Variants in ITIH3 observed in about 807,000 individuals in gnomAD.
ITIH3 encodes the protein inter-alpha-trypsin inhibitor heavy chain 3.
ITIH3 carries 81 observed loss-of-function variants against 96.5 expected under a neutral mutation model. The observed-to-expected ratio is 0.84, with a 90% CI of 0.70 to 1.01. The LOEUF (loss-of-function observed/expected upper bound fraction) is 1.01. Among genes scored for constraint, ITIH3 ranks in the 50% least tolerant of loss-of-function variants. The probability of loss-of-function intolerance (pLI) is 0.00; values close to 1 mark genes in which losing one functional copy is unlikely to be tolerated. For missense variants in ITIH3, 1,057 were observed against 1,139.3 expected, an observed-to-expected ratio of 0.93 and a Z score of 1.04; for synonymous variants, 422 against 445.2, an observed-to-expected ratio of 0.95 and a Z score of 0.66.
chr3:52,802,325 G>A lies in ITIH3; in HGVS notation c.1384-9G>A, dbSNP rs747798082. 15 of 1,613,174 alleles carry A rather than the reference G, an allele frequency of 9.3e-6. No homozygotes were observed. Among genetic ancestry groups the A allele is most frequent in the South Asian group, 5.5e-5 (5 of 91,024 alleles). ...GGGCTTGAGATGACTGGCCCCGTGCGAACTTCAGGGCTTCTATGAGGAGGT... is the reference window on the plus strand; with the variant it reads ...GGGCTTGAGATGACTGGCCCCGTGCAAACTTCAGGGCTTCTATGAGGAGGT... On this transcript the variant is annotated splice_polypyrimidine_tract_variant and intron_variant, in intron 11 of 21. Coordinates refer to ENST00000449956, the MANE Select transcript of ITIH3 (RefSeq NM_002217.4).
intron 9 of ITIH3, 137 bp from the exon 10 acceptor site, chr3:52,800,401 A>T (rs1699777994): frequency 1.1e-6 from 1 of 937,280 alleles, no homozygotes; most frequent in Admixed American, 2.8e-5. Flanking sequence ...TTGTTTGCTG[A>T]GTACCACCAT....
At chr3:52,801,262 A>C in intron 11 of ITIH3, 116 bp downstream of exon 11, 2 of 874,174 alleles carry the variant, frequency 2.3e-6, no homozygotes, top group East Asian at 2.9e-5. Flanking sequence ...GTCAAAATCC[A>C]CCTCTGACTA....
intron 11 of ITIH3, among the ~76,000 whole-genome samples, chr3:52,801,361 G>A (rs1699824688): frequency 6.6e-6 from 1 of 152,192 alleles, no homozygotes; most frequent in African/African-American, 2.4e-5. Flanking sequence ...GCAAACACAG[G>A]ACATCTGGTT....
intron 2 of ITIH3, chr3:52,796,107 G>A (rs887063845): frequency 1.6e-5 from 4 of 253,730 alleles, no homozygotes; most frequent in African/African-American, 8.9e-5. Context: ...GGGCTGGGCT[G>A]TGTGCTTGAG....
intron 21 of ITIH3, 127 bp from the exon 22 acceptor site, chr3:52,808,425 A>C (rs1408042597): frequency 1.5e-6 from 2 of 1,374,794 alleles, no homozygotes; most frequent in Non-Finnish European, 2.0e-6. Flanking sequence ...ATGTAACTTC[A>C]TTCTTGACCA....
chr3:52,806,319 C>T lies in ITIH3; in HGVS notation c.1969C>T (p.Gln657Ter). 2.5e-6 allele frequency: 4 copies of T among 1,613,924 alleles called. No homozygotes were observed. The highest frequency in any genetic ancestry group is 3.4e-6 in the Non-Finnish European group (4 of 1,179,850). ...YVDGDPHFII[Q>*]IPEKDDALCF... The stretch of plus-strand genomic sequence containing the variant: ...GGACGGGGATCCCCACTTCATCATC[C>T]AAATTCCGGAGAAAGACGATGCCCT... The change falls in exon 18 of 22, where the codon CAA becomes TAA. Residue 657 changes from glutamine (Q) to a stop codon, truncating the protein, a stop_gained. Coordinates refer to ENST00000449956, the MANE Select transcript of ITIH3 (RefSeq NM_002217.4). LOFTEE classifies it high-confidence loss of function.
chr3:52,802,187 A>C, intron 11 of ITIH3, 147 bp from the exon 12 acceptor site: 1 of 780,760 alleles, frequency 1.3e-6, no homozygotes, highest in Non-Finnish European at 2.0e-6. Flanking sequence ...GGAGGCCCCC[A>C]CAGACTGAAG....
At chr3:52,796,871 A>T in intron 4 of ITIH3, 28 bp downstream of exon 4, 14 of 1,493,010 alleles carry the variant, frequency 9.4e-6, no homozygotes, top group Non-Finnish European at 1.3e-5. Context: ...GGCCTTGGGG[A>T]GAATGTCTGG....
Position 52,807,838 on chromosome 3 carries a change from C to G in ITIH3, c.2353C>G (p.His785Asp). Residue 785 changes from histidine to aspartate, a missense_variant, in exon 20 of 22, where the codon CAT becomes GAT. By Grantham distance (81) the His-to-Asp change is moderately conservative. Coordinates refer to ENST00000449956, the MANE Select transcript of ITIH3 (RefSeq NM_002217.4). ...VVVLHQVWKK[H>D]PVHRDFLGFY... is the part of the protein sequence containing the mutation. ...CGTCCTACACCAGGTGTGGAAGAAA[C>G]ATCCTGTCCACCGTGACTTTCTAGG... 1 of 1,611,380 alleles carries G rather than the reference C, an allele frequency of 6.2e-7. No individual in the cohort carries two copies. Among genetic ancestry groups the G allele is most frequent in the Non-Finnish European group, 8.5e-7 (1 of 1,178,792 alleles).
chr3:52,797,885 C>A lies in ITIH3; in HGVS notation c.618C>A (p.Asn206Lys), dbSNP rs368383671. 6 of 1,609,298 alleles carry A rather than the reference C, an allele frequency of 3.7e-6. No homozygotes were observed. Among genetic ancestry groups the A allele is most frequent in the Non-Finnish European group, 5.1e-6 (6 of 1,178,254 alleles). The change falls in exon 6 of 22, where the codon AAC becomes AAA. Residue 206 changes from asparagine (N) to lysine (K), a missense_variant. Physicochemically the swap from Asn to Lys is moderately conservative, Grantham distance 94. Transcript: ENST00000449956. Reference sequence around the variant, plus strand: ...ATGCTGAGGCCTCTTTCATCACCAACGACCTCCTGGGAAGCGCCCTCACCA... The same window carrying A: ...ATGCTGAGGCCTCTTTCATCACCAAAGACCTCCTGGGAAGCGCCCTCACCA... The part of the protein sequence containing the change: ...MLDAEASFIT[N>K]DLLGSALTKS...
chr3:52,803,290 A>G (rs868770407), intron 13 of ITIH3, among the ~76,000 whole-genome samples: 143 of 142,562 alleles, frequency 1.0e-3, no homozygotes, highest in African/African-American at 3.8e-3. Context: ...TTATTTATTT[A>G]TTTATTTATT....
chr3:52,804,861 C>T lies in ITIH3; in HGVS notation c.1873+127C>T. On this transcript the variant is annotated intron_variant, in intron 15 of 21. Coordinates refer to ENST00000449956, the MANE Select transcript of ITIH3 (RefSeq NM_002217.4). ...ACACTTGGGACACCTGGGCTCAGGCCCAGCCCTATTGCCAAATCATGAACG... is the reference window on the plus strand; with the variant it reads ...ACACTTGGGACACCTGGGCTCAGGCTCAGCCCTATTGCCAAATCATGAACG... 5 of 1,049,612 alleles carry T rather than the reference C, an allele frequency of 4.8e-6. No individual in the cohort carries two copies. The South Asian group carries it at 5.6e-5, about 12-fold the overall frequency. The allele number at this position is 1,049,612 out of a possible 1,614,324, so 65.0% of individuals were successfully genotyped here. A position where few individuals can be genotyped will look rare whatever the true frequency, so the allele number is the denominator to read the frequency against.
chr3:52,808,301 T>G, intron 21 of ITIH3, 80 bp downstream of exon 21: 2 of 1,260,956 alleles, frequency 1.6e-6, no homozygotes, highest in Non-Finnish European at 2.3e-6. Context: ...CACATTAGTC[T>G]GGTGGGCTTT....
At chr3:52,804,660 C>T (rs1699971689) in intron 14 of ITIH3, 66 bp from the exon 15 acceptor site, 1 of 1,543,258 alleles carries the variant, frequency 6.5e-7, no homozygotes, top group South Asian at 1.2e-5. Context: ...CAGCTCTGGT[C>T]CCTGCTCACA....
chr3:52,796,859 C>A lies in ITIH3; in HGVS notation c.386+16C>A. 6.4e-7 allele frequency: 1 copy of A among 1,553,386 alleles called. No homozygotes were observed. On this transcript the variant is annotated intron_variant, in intron 4 of 21. Transcript: ENST00000449956. ...GCTTGGTCAAGTAAGTATGGACTCC[C>A]AGGCCTTGGGGAGAATGTCTGGGAT...
At chr3:52,800,314 C>T (rs763608693) in intron 9 of ITIH3, 2 of 589,598 alleles carry the variant, frequency 3.4e-6, no homozygotes, top group East Asian at 2.9e-5. Flanking sequence ...ATGTGCTTTT[C>T]GTCTTCACCA....
At chr3:52,805,565 T>A in intron 15 of ITIH3, 1 of 1,336,592 alleles carries the variant, frequency 7.5e-7, no homozygotes, top group Non-Finnish European at 9.6e-7. Flanking sequence ...TGGCTTGCAT[T>A]TCAGCCACAT....
At chr3:52,803,742 CA>C (rs1360369869) in intron 13 of ITIH3, 112 bp from the exon 14 acceptor site, 4 of 1,245,568 alleles carry the variant, frequency 3.2e-6, no homozygotes, top group Non-Finnish European at 4.5e-6. Context: ...TGGGGGACCC[CA>C]CAATGGGGAA....
intron 7 of ITIH3, 66 bp from the exon 8 acceptor site, chr3:52,799,306 T>TATTCTATGTCTG: frequency 1.5e-6 from 2 of 1,306,110 alleles, no homozygotes; most frequent in East Asian, 4.8e-5. Context: ...GGCTTCTACC[T>TATTCTATGTCTG]GCAAGAATAG....
Sources: allele counts gnomAD v4.1 joint callset (sites outside exome capture counted in the v4.1 genomes callset), GRCh38; gene constraint gnomAD v4.1.1; transcripts MANE v1.5; gene names NCBI Gene and HGNC (gene_info 2026-07-23, HGNC 2026-07-21).